Variants in UFD1 observed in about 807,000 individuals in gnomAD.
The protein encoded by UFD1 is ubiquitin recognition factor in ER-associated degradation protein 1.
A neutral mutation model predicts 45.9 loss-of-function variants in UFD1; 13 were observed. The ratio of observed to expected loss-of-function variants is 0.28; its 90% CI spans 0.18 to 0.45. UFD1 has a LOEUF of 0.45. UFD1 is among the 20% of genes least tolerant of loss of function. UFD1 has a pLI of 1.00. For missense variants in UFD1, 218 were observed against 389.2 expected, an observed-to-expected ratio of 0.56 and a Z score of 3.70; for synonymous variants, 128 against 139.2, an observed-to-expected ratio of 0.92 and a Z score of 0.56.
chr22:19,471,286 T>C, intron 4 of UFD1: 1 of 524,782 alleles, frequency 1.9e-6, no homozygotes, highest in East Asian at 5.4e-5. Context: ...ACGTCAGAGG[T>C]AACTGAAAAC....
intron 6 of UFD1, among the ~76,000 whole-genome samples, chr22:19,460,003 CT>C (rs997537687): frequency 3.3e-5 from 5 of 151,994 alleles, no homozygotes; most frequent in Non-Finnish European, 7.4e-5. Flanking sequence ...TCCCAAAGTG[CT>C]GGGATTACAG....
At chr22:19,460,864 G>A (rs1197075987) in intron 6 of UFD1, among the ~76,000 whole-genome samples, 1 of 150,998 alleles carries the variant, frequency 6.6e-6, no homozygotes, top group African/African-American at 2.4e-5. Context: ...TCCCGCCTCA[G>A]CCTCCTGAAT....
At chr22:19,458,035 G>A in intron 7 of UFD1, 36 bp downstream of exon 7, 3 of 1,612,696 alleles carry the variant, frequency 1.9e-6, no homozygotes, top group Non-Finnish European at 1.7e-6. Flanking sequence ...ATCCTCCCAG[G>A]GCCCAGGCTC....
At chr22:19,478,961 C>T (rs2089920272) in intron 1 of UFD1, 122 bp downstream of exon 1, 2 of 1,363,570 alleles carry the variant, frequency 1.5e-6, no homozygotes, top group Non-Finnish European at 2.0e-6. Flanking sequence ...AGCCTGCAGG[C>T]CGGACTCAGG....
intron 1 of UFD1, among the ~76,000 whole-genome samples, chr22:19,476,089 T>G (rs1241784850): frequency 1.3e-5 from 2 of 151,974 alleles, no homozygotes; most frequent in African/African-American, 4.8e-5. Context: ...AGATATACAC[T>G]CCAAGCAACG....
At position 19,455,724 on chromosome 22, in the gene UFD1, C is replaced by T; in HGVS notation, c.723G>A (p.Gly241=). 1 of 1,614,104 alleles carries T rather than the reference C, an allele frequency of 6.2e-7. No individual in the cohort carries two copies. Among genetic ancestry groups the T allele is most frequent in the South Asian group, 1.1e-5 (1 of 91,080 alleles). ...SGNRLDGKKK[G]VEPSPSPIKP... ...TGATTGGGGAGGGGCTGGGCTCTAC[C>T]CCTTTCTTCTTTCCATCCAGTCTAT... Residue 241 remains glycine, a synonymous_variant, in exon 10 of 12, where the codon GGG becomes GGA. Transcript: ENST00000263202.
chr22:19,453,913 G>C (rs2089701889), intron 11 of UFD1: 1 of 985,424 alleles, frequency 1.0e-6, no homozygotes, highest in Non-Finnish European at 1.2e-6. Flanking sequence ...GAGAGCGATG[G>C]GTCTGAAGCG....
At chr22:19,471,954 A>G (rs1271919871) in intron 3 of UFD1, 146 bp from the exon 4 acceptor site, 13 of 1,151,532 alleles carry the variant, frequency 1.1e-5, no homozygotes, top group Non-Finnish European at 2.4e-6. Flanking sequence ...GTGAGAGCAC[A>G]GTGCACGGCT....
chr22:19,463,587 G>C (rs1334773417), intron 6 of UFD1, among the ~76,000 whole-genome samples: 1 of 152,180 alleles, frequency 6.6e-6, no homozygotes, highest in Non-Finnish European at 1.5e-5. Flanking sequence ...GCTTTTTCCA[G>C]AGAGGATCTG....
At chr22:19,463,963 A>G (rs577463230) in intron 6 of UFD1, among the ~76,000 whole-genome samples, 10 of 152,370 alleles carry the variant, frequency 6.6e-5, no homozygotes, top group African/African-American at 2.2e-4. Flanking sequence ...ATTAAAAACA[A>G]TAACATTAAA....
chr22:19,462,617 C>A (rs2146296028), intron 6 of UFD1, among the ~76,000 whole-genome samples: 1 of 152,142 alleles, frequency 6.6e-6, no homozygotes, highest in South Asian at 2.1e-4. Flanking sequence ...CTGCAGTGAG[C>A]CAAGATCGCG....
At chr22:19,470,746 T>C (rs1319465286) in intron 4 of UFD1, 1 of 457,148 alleles carries the variant, frequency 2.2e-6, no homozygotes, top group Admixed American at 2.3e-5. Flanking sequence ...CTGGCCAGAA[T>C]TTCAATTCAT....
chr22:19,462,887 C>T (rs2089777482), intron 6 of UFD1, among the ~76,000 whole-genome samples: 1 of 152,072 alleles, frequency 6.6e-6, no homozygotes, highest in Admixed American at 6.5e-5. Flanking sequence ...TGGTAAATAA[C>T]CTCTCTCAGA....
intron 4 of UFD1, among the ~76,000 whole-genome samples, chr22:19,468,711 C>T (rs561240467): frequency 2.6e-5 from 4 of 152,196 alleles, no homozygotes; most frequent in South Asian, 2.1e-4. Flanking sequence ...TAGAAAGAGC[C>T]GTAGAAGAGA....
At chr22:19,475,409 G>A (rs899182606) in intron 2 of UFD1, 61 bp downstream of exon 2, 1 of 1,600,014 alleles carries the variant, frequency 6.2e-7, no homozygotes, top group African/African-American at 1.3e-5. Flanking sequence ...ACTGTTGAAG[G>A]CTACAGCATT....
chr22:19,451,583 C>T, intron 11 of UFD1: 1 of 985,362 alleles, frequency 1.0e-6, no homozygotes, highest in Non-Finnish European at 1.2e-6. Flanking sequence ...ATTATCTCAA[C>T]TTTTCCCTAG....
chr22:19,465,729 A>G (rs2089797226), intron 5 of UFD1: 1 of 153,836 alleles, frequency 6.5e-6, no homozygotes, highest in Non-Finnish European at 1.4e-5. Flanking sequence ...TACAAATTAT[A>G]CCATGGGATT....
At chr22:19,454,690 A>G in intron 11 of UFD1, 59 bp downstream of exon 11, 1 of 1,611,884 alleles carries the variant, frequency 6.2e-7, no homozygotes, top group Non-Finnish European at 8.5e-7. Flanking sequence ...AACTTCAGTC[A>G]TCACTAGCAA....
At chr22:19,471,433 G>C (rs1233895376) in intron 4 of UFD1, 2 of 731,162 alleles carry the variant, frequency 2.7e-6, no homozygotes, top group East Asian at 5.3e-5. Flanking sequence ...CAGATGAACA[G>C]TTCAGCTGCG....
Sources: gnomAD v4.1 joint callset for allele counts (sites outside exome capture counted in the v4.1 genomes callset) on GRCh38, gnomAD v4.1.1 for gene constraint, MANE v1.5 for transcripts, NCBI Gene and HGNC (gene_info 2026-07-23, HGNC 2026-07-21) for gene names.